SLC8A1: variants seen among roughly 807,000 people sequenced by gnomAD.
SLC8A1 encodes sodium/calcium exchanger 1.
SLC8A1 carries 18 observed loss-of-function variants against 68.3 expected under a neutral mutation model. That is an observed-to-expected ratio of 0.26 (90% CI 0.18 to 0.39). The LOEUF is 0.39. SLC8A1 is among the 10% of genes least tolerant of loss of function. The pLI is 1.00. For synonymous variants in SLC8A1, 475 were observed against 415.5 expected (o/e 1.14, Z -1.74); for missense variants, 985 against 1,156.7 (o/e 0.85, Z 2.15).
intron 2 of SLC8A1, among the ~76,000 whole-genome samples, chr2:40,220,929 C>T (rs758915372): frequency 1.3e-5 from 2 of 151,882 alleles, no homozygotes; most frequent in Non-Finnish European, 2.9e-5. Context: ...AGATTCATAG[C>T]CAAATTCTGC....
intron 2 of SLC8A1, among the ~76,000 whole-genome samples, chr2:40,215,935 G>T (rs898633373): frequency 6.6e-6 from 1 of 150,860 alleles, no homozygotes; most frequent in Non-Finnish European, 1.5e-5. Flanking sequence ...CTGCACTGGT[G>T]TCATATCTGA....
chr2:40,503,558 C>T lies in SLC8A1; in HGVS notation c.-25+8791G>A, dbSNP rs1230324343. Reference sequence around the variant, plus strand: ...TGATACAATCTGGTTTTGGAAAAACCAAAAGACTCCACATGAAAGCTATTC... The same window carrying T: ...TGATACAATCTGGTTTTGGAAAAACTAAAAGACTCCACATGAAAGCTATTC... On this transcript the variant is annotated intron_variant, in intron 1 of 7. Coordinates refer to the SLC8A1 transcript ENST00000402441. 2.0e-5 allele frequency among the ~76,000 whole-genome samples: 3 copies of T among 151,978 alleles called. No individual in the cohort carries two copies. The South Asian group carries it at 6.2e-4, about 32-fold the overall frequency.
At chr2:40,102,175 TGTGAGTCCCTACAA>T (rs2033933630) in exon 8 of SLC8A1, 1 of 152,144 alleles carries the variant, frequency 6.6e-6, no homozygotes, top group African/African-American at 2.4e-5. Flanking sequence ...TGATTCAAAA[TGTGAGTCCCTACAA>T]GTCTATTTGT....
At chr2:40,376,892 A>C (rs1041845065) in intron 2 of SLC8A1, among the ~76,000 whole-genome samples, 1 of 152,098 alleles carries the variant, frequency 6.6e-6, no homozygotes, top group Admixed American at 6.6e-5. Context: ...TATTATAATT[A>C]CCATGCCCTC....
intron 7 of SLC8A1, among the ~76,000 whole-genome samples, chr2:40,122,428 G>T (rs1414468842): frequency 6.6e-6 from 1 of 152,122 alleles, no homozygotes. Flanking sequence ...AAGAAGAAAT[G>T]GAGACAGTGA....
chr2:40,103,918 A>G (rs2034045871), exon 8 of SLC8A1: 1 of 152,224 alleles, frequency 6.6e-6, no homozygotes, highest in Admixed American at 6.5e-5. Flanking sequence ...CCTTCAACCC[A>G]TACACATAAG....
intron 1 of SLC8A1, among the ~76,000 whole-genome samples, chr2:40,465,982 G>C (rs1261624553): frequency 1.3e-5 from 2 of 152,118 alleles, no homozygotes; most frequent in East Asian, 3.9e-4. Context: ...TGCCCTCCTG[G>C]CTTCTGCTAT....
intron 4 of SLC8A1, among the ~76,000 whole-genome samples, chr2:40,172,063 C>T (rs2047591190): frequency 6.6e-6 from 1 of 152,194 alleles, no homozygotes; most frequent in Admixed American, 6.5e-5. Flanking sequence ...CAGGCAAAGT[C>T]CCAGGGCTAG....
intron 3 of SLC8A1, 55 bp from the exon 4 acceptor site, chr2:40,175,336 A>G: frequency 6.4e-7 from 1 of 1,558,686 alleles, no homozygotes; most frequent in Admixed American, 1.7e-5. Context: ...ATGAATAATG[A>G]AAGTAAGAGG....
chr2:40,257,949 G>C (rs2064164319), intron 2 of SLC8A1, among the ~76,000 whole-genome samples: 1 of 152,212 alleles, frequency 6.6e-6, no homozygotes, highest in African/African-American at 2.4e-5. Flanking sequence ...GGAGTAGAGT[G>C]AGGAGGAAAG....
At chr2:40,197,999 T>C (rs1468929108) in intron 2 of SLC8A1, among the ~76,000 whole-genome samples, 1 of 151,874 alleles carries the variant, frequency 6.6e-6, no homozygotes. Flanking sequence ...ACAAAGTGAA[T>C]ATAGATCAGA....
intron 1 of SLC8A1, among the ~76,000 whole-genome samples, chr2:40,433,824 A>G (rs1225976747): frequency 2.0e-5 from 3 of 152,172 alleles, no homozygotes; most frequent in African/African-American, 7.2e-5. Context: ...GGCTTGGACT[A>G]GCCCGTTGGA....
At chr2:40,378,984 T>C (rs975344598) in intron 2 of SLC8A1, among the ~76,000 whole-genome samples, 1 of 152,136 alleles carries the variant, frequency 6.6e-6, no homozygotes, top group African/African-American at 2.4e-5. Flanking sequence ...ATTTGTTCAC[T>C]GTTTTGTTCC....
At chr2:40,138,798 C>T (rs2041015769) in intron 7 of SLC8A1, among the ~76,000 whole-genome samples, 1 of 152,124 alleles carries the variant, frequency 6.6e-6, no homozygotes, top group South Asian at 2.1e-4. Flanking sequence ...AGTTGCAGGT[C>T]AGACAAAAAA....
In SLC8A1 at chr2:40,257,844, AG is replaced by A. The variant is rs574614945; in HGVS notation, c.1809-79990del. ...CTGTCTTCCTATCTGGTTGGATGGC[AG>A]AACCACATCTCCACATGGACACAGG... On this transcript the variant is annotated intron_variant, in intron 2 of 7. Transcript: ENST00000406785. 2.3e-3 allele frequency among the ~76,000 whole-genome samples: 357 copies of A among 152,352 alleles called. 4 individuals carry two copies. Among genetic ancestry groups the A allele is most frequent in the African/African-American group, 8.2e-3 (340 of 41,576 alleles).
chr2:40,115,525 C>A (rs1422973928), exon 8 of SLC8A1: 1 of 1,614,070 alleles, frequency 6.2e-7, no homozygotes, highest in Non-Finnish European at 8.5e-7. Context: ...GACCAGGCCA[C>A]ACCGATTCCC....
chr2:40,216,579 CTG>C (rs2057521783), intron 2 of SLC8A1, among the ~76,000 whole-genome samples: 1 of 152,210 alleles, frequency 6.6e-6, no homozygotes. Context: ...AATCGCCACA[CTG>C]TCTTCCACAA....
chr2:40,387,087 T>C (rs1476403916), intron 2 of SLC8A1, among the ~76,000 whole-genome samples: 3 of 151,470 alleles, frequency 2.0e-5, no homozygotes, highest in Non-Finnish European at 2.9e-5. Context: ...AATGATTCAT[T>C]GGAAACAAGT....
At chr2:40,137,465 A>G (rs772898630) in intron 7 of SLC8A1, among the ~76,000 whole-genome samples, 25 of 152,316 alleles carry the variant, frequency 1.6e-4, no homozygotes, top group Non-Finnish European at 2.9e-4. Flanking sequence ...CATGACCAAC[A>G]GCGTGTGCTA....
Sources: allele counts gnomAD v4.1 joint callset (sites outside exome capture counted in the v4.1 genomes callset), GRCh38; gene constraint gnomAD v4.1.1; transcripts MANE v1.5; gene names NCBI Gene and HGNC (gene_info 2026-07-23, HGNC 2026-07-21).